Variants in ITPKC observed in about 807,000 individuals in gnomAD.
The protein encoded by ITPKC is inositol-trisphosphate 3-kinase C.
ITPKC carries 33 observed loss-of-function variants against 67.1 expected under a neutral mutation model. That is an observed-to-expected ratio of 0.49 (90% CI 0.37 to 0.66). The LOEUF (loss-of-function observed/expected upper bound fraction) is 0.66, where lower values mean the gene tolerates loss of function less well. Among genes scored for constraint, ITPKC ranks in the 30% least tolerant of loss-of-function variants. The pLI, the probability that ITPKC is intolerant of heterozygous loss-of-function variation, is 0.00. For missense variants in ITPKC, 820 were observed against 892.1 expected (o/e 0.92, Z 1.03); for synonymous variants, 341 against 359.8 (o/e 0.95, Z 0.59).
chr19:40,734,223 C>T (rs1256612603), intron 4 of ITPKC, among the ~76,000 whole-genome samples: 1 of 152,050 alleles, frequency 6.6e-6, no homozygotes, highest in Non-Finnish European at 1.5e-5. Context: ...TTTTCCCCCA[C>T]AGCTATGTAA....
At chr19:40,718,655 G>C (rs542633851) in intron 1 of ITPKC, among the ~76,000 whole-genome samples, 74 of 152,248 alleles carry the variant, frequency 4.9e-4, no homozygotes, top group African/African-American at 1.8e-3. Context: ...TAATCCTCTG[G>C]AATCTGAAGA....
At chr19:40,725,288 C>A in intron 1 of ITPKC, 52 bp from the exon 2 acceptor site, 1 of 1,200,554 alleles carries the variant, frequency 8.3e-7, no homozygotes, top group Non-Finnish European at 1.2e-6. Context: ...CACCTCTAGC[C>A]CCTGCCTTCC....
At chr19:40,725,523 C>T in intron 2 of ITPKC, 84 bp downstream of exon 2, 1 of 933,322 alleles carries the variant, frequency 1.1e-6, no homozygotes. Flanking sequence ...GTTCCCCCAC[C>T]TAGTGATGGG....
At position 40,739,370 on chromosome 19, in the gene ITPKC, CCCT is replaced by C; in HGVS notation, c.1867_1869del (p.Leu623del). 6.2e-7 allele frequency: 1 copy of C among 1,613,646 alleles called. No individual in the cohort carries two copies. The highest frequency in any genetic ancestry group is 1.3e-5 in the African/African-American group (1 of 75,064). ...CTACCCCGGCAGGTGGTAGGCAGCT[CCCT>C]CCTCTTCGTGCACGACCACACCGGC... On this transcript the variant is annotated inframe_deletion, in exon 7 of 7. Coordinates refer to ENST00000263370, the MANE Select transcript of ITPKC (RefSeq NM_025194.3).
rs571235034 is a variant in ITPKC, at chr19:40,737,913, G to A, written c.1848+144G>A. ...CACCTGTAATACCAGCACTTTGGGA[G>A]GCTGAGGTGGGAGGATTGCTGGAGC... On this transcript the variant is annotated intron_variant, in intron 6 of 6. Transcript: ENST00000263370. 1.2e-4 allele frequency: 79 copies of A among 643,628 alleles called. 1 individual carries two copies. The highest frequency in any genetic ancestry group is 1.1e-3 in the African/African-American group (61 of 55,166). The allele number at this position is 643,628 out of a possible 1,614,324, so 39.9% of individuals were successfully genotyped here.
At chr19:40,724,948 A>G (rs67083521) in intron 1 of ITPKC, among the ~76,000 whole-genome samples, 21,479 of 138,750 alleles carry the variant, frequency 0.15, 1,487 homozygotes, top group Middle Eastern at 0.2. Context: ...TGTCTCAATT[A>G]AAAAAAAAAA....
intron 1 of ITPKC, among the ~76,000 whole-genome samples, chr19:40,721,248 G>A (rs1265305643): frequency 6.6e-6 from 1 of 152,072 alleles, no homozygotes; most frequent in Non-Finnish European, 1.5e-5. Flanking sequence ...AGCCCAGAAG[G>A]AGGTCACTGG....
rs577483699 is a variant in ITPKC, at chr19:40,733,544, G to A, written c.1674+180G>A. Among the ~76,000 whole-genome samples the A allele has an allele frequency of 3.9e-5, 6 of 152,204 alleles. No homozygotes were observed. In the South Asian group the frequency reaches 6.2e-4, roughly 16 times the overall value. On this transcript the variant is annotated intron_variant, in intron 4 of 6. Coordinates refer to ENST00000263370, the MANE Select transcript of ITPKC (RefSeq NM_025194.3). ...ATCAGAGCCCAGGTTCTGTTTATCC[G>A]TCTGCCTGAGCATCTCCTGAGTCCA...
chr19:40,722,963 T>G (rs1414552129), intron 1 of ITPKC, among the ~76,000 whole-genome samples: 2 of 151,458 alleles, frequency 1.3e-5, no homozygotes, highest in Non-Finnish European at 2.9e-5. Context: ...TTTTATTTAT[T>G]TATTTATTTA....
chr19:40,727,024 C>T (rs1057345657), intron 2 of ITPKC, among the ~76,000 whole-genome samples: 20 of 152,064 alleles, frequency 1.3e-4, no homozygotes, highest in Admixed American at 1.0e-3. Flanking sequence ...CCTAGATGAC[C>T]GAGTGAGACC....
At chr19:40,726,896 A>T (rs2082248532) in intron 2 of ITPKC, among the ~76,000 whole-genome samples, 1 of 151,838 alleles carries the variant, frequency 6.6e-6, no homozygotes, top group African/African-American at 2.4e-5. Flanking sequence ...AAAGAAATTA[A>T]CTGGGCATGG....
chr19:40,727,910 C>G lies in ITPKC; in HGVS notation c.1256-1292C>G, dbSNP rs76209839. 7.2e-5 allele frequency among the ~76,000 whole-genome samples: 11 copies of G among 152,208 alleles called. No individual in the cohort carries two copies. The East Asian group carries it at 2.1e-3, about 29-fold the overall frequency. ...GCTCATTGCAGCCTTGAACTCCTGG[C>G]CTTAAAGGATCCTCCTGCCTCAACC... On this transcript the variant is annotated intron_variant, in intron 2 of 6. Transcript: ENST00000263370.
intron 1 of ITPKC, among the ~76,000 whole-genome samples, chr19:40,722,474 C>T (rs575986226): frequency 6.6e-6 from 1 of 152,252 alleles, no homozygotes; most frequent in South Asian, 2.1e-4. Context: ...CTGACTCCCT[C>T]TTAACCTTCC....
intron 4 of ITPKC, among the ~76,000 whole-genome samples, chr19:40,734,102 G>T (rs551679952): frequency 6.6e-6 from 1 of 152,064 alleles, no homozygotes; most frequent in South Asian, 2.1e-4. Context: ...TTGTAGATCC[G>T]AAATGTTCCT....
In ITPKC at chr19:40,740,388, G is replaced by C. The variant is rs376751205; in HGVS notation, c.*828G>C. 1.3e-4 allele frequency: 22 copies of C among 165,006 alleles called. No homozygotes were observed. The East Asian group carries it at 3.0e-3, about 23-fold the overall frequency. The allele number at this position is 165,006 out of a possible 1,614,324, so 10.2% of individuals were successfully genotyped here. On this transcript the variant is annotated 3_prime_UTR_variant, in exon 7 of 7. Transcript: ENST00000263370. ...TCCTTTCTCCCAGCAAACTGCAGTG[G>C]CAGAAAGGAGGTTCAGAGGCTGGGA...
chr19:40,734,614 T>C (rs913094986), intron 4 of ITPKC, among the ~76,000 whole-genome samples: 3 of 148,704 alleles, frequency 2.0e-5, no homozygotes, highest in African/African-American at 7.3e-5. Flanking sequence ...TTCTTCTCTT[T>C]TCTTTTTTTT....
rs765981677 is a variant in ITPKC at position 40,725,447 on chromosome 19, G to A, written c.1255+8G>A. 1 of 1,574,328 alleles carries A rather than the reference G, an allele frequency of 6.4e-7. No homozygotes were observed. The highest frequency in any genetic ancestry group is 8.7e-7 in the Non-Finnish European group (1 of 1,143,626). ...AGCTTTCTGGACATGCTGGTAAGTGGGGTGGTGGTGGACAGAGCTGGGCAG... is the reference window on the plus strand; with the variant it reads ...AGCTTTCTGGACATGCTGGTAAGTGAGGTGGTGGTGGACAGAGCTGGGCAG... On this transcript the variant is annotated splice_region_variant and intron_variant, in intron 2 of 6. Coordinates refer to ENST00000263370, the MANE Select transcript of ITPKC (RefSeq NM_025194.3).
chr19:40,739,216 AG>A (rs1388045475), intron 6 of ITPKC, 140 bp from the exon 7 acceptor site: 1 of 624,104 alleles, frequency 1.6e-6, no homozygotes, highest in Non-Finnish European at 2.8e-6. Flanking sequence ...CTGCACAGAC[AG>A]GAGGTGGCAC....
At chr19:40,725,967 G>A (rs992253155) in intron 2 of ITPKC, among the ~76,000 whole-genome samples, 16 of 151,972 alleles carry the variant, frequency 1.1e-4, no homozygotes, top group African/African-American at 3.6e-4. Flanking sequence ...TTGGCTGGGC[G>A]CAGTGGCTCA....
Sources: gnomAD v4.1 joint callset for allele counts (sites outside exome capture counted in the v4.1 genomes callset) on GRCh38, gnomAD v4.1.1 for gene constraint, MANE v1.5 for transcripts, NCBI Gene and HGNC (gene_info 2026-07-23, HGNC 2026-07-21) for gene names.